Variants in CEP63 observed in about 807,000 individuals in gnomAD.
CEP63 encodes centrosomal protein 63, also known as centrosomal protein of 63 kDa.
Under a neutral mutation model 89.1 loss-of-function variants are expected in CEP63, and 84 were observed. That is an observed-to-expected ratio of 0.94 (90% confidence interval 0.79 to 1.13). CEP63 has a LOEUF of 1.13. Among genes scored for constraint, CEP63 ranks in the 50% most tolerant of loss-of-function variants. The pLI is 0.00. For missense variants in CEP63, 838 were observed against 813.3 expected (o/e 1.03, Z -0.37); for synonymous variants, 267 against 272.5 (o/e 0.98, Z 0.20).
At chr3:134,722,416 C>T in the CEP63 span, among the ~76,000 whole-genome samples, 11 of 151,922 alleles carry the variant, frequency 7.2e-5, no homozygotes, top group African/African-American at 2.2e-4. Flanking sequence ...CTTTCATTCC[C>T]GATTTAATAA....
At chr3:134,746,670 T>A in the CEP63 span, among the ~76,000 whole-genome samples, 1 of 152,274 alleles carries the variant, frequency 6.6e-6, no homozygotes, top group Admixed American at 6.5e-5. Context: ...ATTTCTCCGA[T>A]GAACAGTGAT....
chr3:134,709,304 G>A, the CEP63 span, among the ~76,000 whole-genome samples: 1 of 152,266 alleles, frequency 6.6e-6, no homozygotes, highest in South Asian at 2.1e-4. Context: ...ATTGCTGTGG[G>A]GGTGGAGGTA....
the CEP63 span, among the ~76,000 whole-genome samples, chr3:134,770,029 C>T: frequency 4.8e-4 from 73 of 152,338 alleles, no homozygotes; most frequent in African/African-American, 1.7e-3. Flanking sequence ...TGGCACATCA[C>T]GTCTACTTTT....
the CEP63 span, among the ~76,000 whole-genome samples, chr3:134,765,123 T>C: frequency 6.6e-6 from 1 of 152,204 alleles, no homozygotes; most frequent in African/African-American, 2.4e-5. Flanking sequence ...CCTAAGAGGT[T>C]CTCAGATGAT....
At chr3:134,750,171 G>A in the CEP63 span, among the ~76,000 whole-genome samples, 8 of 152,142 alleles carry the variant, frequency 5.3e-5, no homozygotes, top group Non-Finnish European at 7.4e-5. Flanking sequence ...TGAGCTCTTC[G>A]GGGTTCCTTC....
At chr3:134,730,048 G>T in the CEP63 span, among the ~76,000 whole-genome samples, 1 of 152,182 alleles carries the variant, frequency 6.6e-6, no homozygotes. Flanking sequence ...AGAGGTCAGG[G>T]ACTTGCAAGG....
chr3:134,767,882 C>T, the CEP63 span, among the ~76,000 whole-genome samples: 1 of 152,150 alleles, frequency 6.6e-6, no homozygotes, highest in Non-Finnish European at 1.5e-5. Context: ...TCTAACCTAG[C>T]TACAGAGAGA....
the CEP63 span, among the ~76,000 whole-genome samples, chr3:134,667,548 T>C: frequency 6.6e-6 from 1 of 152,266 alleles, no homozygotes; most frequent in African/African-American, 2.4e-5. Flanking sequence ...TTCTCATCTC[T>C]TAACTGGCAC....
the CEP63 span, among the ~76,000 whole-genome samples, chr3:134,633,524 T>C: frequency 6.6e-6 from 1 of 152,082 alleles, no homozygotes; most frequent in Non-Finnish European, 1.5e-5. Context: ...CCTATTGGTG[T>C]AGAAAAATGC....
At chr3:134,679,210 T>C in the CEP63 span, among the ~76,000 whole-genome samples, 1 of 152,250 alleles carries the variant, frequency 6.6e-6, no homozygotes, top group South Asian at 2.1e-4. Flanking sequence ...TTATTTAATC[T>C]TCTATATTTT....
the CEP63 span, among the ~76,000 whole-genome samples, chr3:134,667,709 C>CTG: frequency 6.6e-6 from 1 of 152,114 alleles, no homozygotes; most frequent in African/African-American, 2.4e-5. Flanking sequence ...CAGCCCTCAC[C>CTG]CCTTGAGAAG....
At chr3:134,648,084 G>A in the CEP63 span, among the ~76,000 whole-genome samples, 92 of 152,344 alleles carry the variant, frequency 6.0e-4, no homozygotes, top group African/African-American at 1.9e-3. Flanking sequence ...CTCTGGCTGC[G>A]GCTGCAAGTG....
At chr3:134,672,888 G>C in the CEP63 span, among the ~76,000 whole-genome samples, 1 of 152,212 alleles carries the variant, frequency 6.6e-6, no homozygotes, top group African/African-American at 2.4e-5. Context: ...TGAGTGTTTA[G>C]CAATGCAGCT....
At chr3:134,552,196 A>G (rs956216372) in intron 12 of CEP63, 184 bp downstream of exon 12, 3 of 405,694 alleles carry the variant, frequency 7.4e-6, no homozygotes, top group Non-Finnish European at 1.3e-5. Context: ...CTCCAGCAGC[A>G]GGAAGGGTTT....
chr3:134,635,418 A>G, the CEP63 span, among the ~76,000 whole-genome samples: 1 of 142,184 alleles, frequency 7.0e-6, no homozygotes, highest in Non-Finnish European at 1.5e-5. Flanking sequence ...AATCGCTTGG[A>G]CCTGGGAGGC....
chr3:134,683,901 G>A, the CEP63 span, among the ~76,000 whole-genome samples: 1 of 152,008 alleles, frequency 6.6e-6, no homozygotes, highest in Non-Finnish European at 1.5e-5. Context: ...AGTAAGCACT[G>A]TTAGTGGTGA....
the CEP63 span, among the ~76,000 whole-genome samples, chr3:134,740,266 T>TTTTAA: frequency 7.1e-6 from 1 of 140,860 alleles, no homozygotes; most frequent in Non-Finnish European, 1.5e-5. Context: ...TATTCTTTTC[T>TTTTAA]TTTATTTATT....
the CEP63 span, among the ~76,000 whole-genome samples, chr3:134,748,173 C>T: frequency 4.6e-4 from 70 of 152,258 alleles, no homozygotes; most frequent in African/African-American, 1.5e-3. Flanking sequence ...TCCTGCAAGA[C>T]GGAGTCCCAT....
the CEP63 span, among the ~76,000 whole-genome samples, chr3:134,690,638 C>T: frequency 6.6e-6 from 1 of 151,886 alleles, no homozygotes; most frequent in African/African-American, 2.4e-5. Context: ...ACTCTTTGGT[C>T]TCAGCATCCC....
Sources: gnomAD v4.1 joint callset for allele counts (sites outside exome capture counted in the v4.1 genomes callset) on GRCh38, gnomAD v4.1.1 for gene constraint, MANE v1.5 for transcripts, NCBI Gene and HGNC (gene_info 2026-07-23, HGNC 2026-07-21) for gene names.